Variants in CLDN10 observed in about 807,000 individuals in gnomAD.
CLDN10 encodes claudin-10.
Under a neutral mutation model 22.9 loss-of-function variants are expected in CLDN10, and 15 were observed. The observed-to-expected ratio is 0.65, with a 90% CI of 0.44 to 1.01. CLDN10 has a LOEUF of 1.01. Ranked by LOEUF, CLDN10 falls within the 50% of genes least tolerant of loss-of-function variation. The pLI, the probability that CLDN10 is intolerant of heterozygous loss-of-function variation, is 0.00. For missense variants in CLDN10, 247 were observed against 287.8 expected, an observed-to-expected ratio of 0.86 and a Z score of 1.03; for synonymous variants, 114 against 111.4, an observed-to-expected ratio of 1.02 and a Z score of -0.15.
chr13:95,525,640 C>T (rs2043272754), intron 1 of CLDN10, among the ~76,000 whole-genome samples: 1 of 151,952 alleles, frequency 6.6e-6, no homozygotes, highest in Admixed American at 6.6e-5. Flanking sequence ...TACAGGCGTG[C>T]ACCACCGCGC....
At chr13:95,526,242 G>A (rs1188402954) in intron 1 of CLDN10, among the ~76,000 whole-genome samples, 4 of 151,738 alleles carry the variant, frequency 2.6e-5, no homozygotes, top group African/African-American at 4.8e-5. Context: ...CCCATCTAAC[G>A]TTTTCTCCAT....
At chr13:95,435,102 T>C (rs960322964) in intron 1 of CLDN10, among the ~76,000 whole-genome samples, 1 of 151,142 alleles carries the variant, frequency 6.6e-6, no homozygotes, top group Non-Finnish European at 1.5e-5. Context: ...AGAGGGAACA[T>C]ATATTTTTTA....
intron 1 of CLDN10, among the ~76,000 whole-genome samples, chr13:95,442,742 G>T (rs1210485892): frequency 1.3e-5 from 2 of 152,082 alleles, no homozygotes; most frequent in African/African-American, 4.8e-5. Flanking sequence ...TTAATATATG[G>T]GTTTGAATCA....
chr13:95,515,309 A>G (rs2043152442), intron 1 of CLDN10, among the ~76,000 whole-genome samples: 1 of 151,996 alleles, frequency 6.6e-6, no homozygotes, highest in South Asian at 2.1e-4. Flanking sequence ...AGCGATTCTC[A>G]TGCCTCAGAC....
chr13:95,474,493 A>G (rs989412554), intron 1 of CLDN10, among the ~76,000 whole-genome samples: 4 of 152,190 alleles, frequency 2.6e-5, no homozygotes, highest in African/African-American at 4.8e-5. Flanking sequence ...CAATAAAACA[A>G]AGTCTCAAAT....
At chr13:95,447,585 T>C (rs1006576682) in intron 1 of CLDN10, among the ~76,000 whole-genome samples, 2 of 152,210 alleles carry the variant, frequency 1.3e-5, no homozygotes, top group African/African-American at 4.8e-5. Context: ...CTGGACGCTA[T>C]TGATCTGCCT....
chr13:95,520,263 T>C (rs1416000549), intron 1 of CLDN10, among the ~76,000 whole-genome samples: 1 of 152,260 alleles, frequency 6.6e-6, no homozygotes. Context: ...CTTTTTCATA[T>C]ACATATACAT....
chr13:95,477,542 C>A (rs2042696718), intron 1 of CLDN10, among the ~76,000 whole-genome samples: 1 of 152,164 alleles, frequency 6.6e-6, no homozygotes. Flanking sequence ...GTGTGTCCTG[C>A]AGATGCACGC....
chr13:95,450,410 G>C (rs1184816774), intron 1 of CLDN10, among the ~76,000 whole-genome samples: 2 of 152,178 alleles, frequency 1.3e-5, no homozygotes. Context: ...CAGGGATTAA[G>C]AGCCCTTCCC....
rs527690818 is a variant in CLDN10 at position 95,576,886 on chromosome 13, C to T, written c.465-345C>T. Among the ~76,000 whole-genome samples, 5 of 152,312 alleles carry T rather than the reference C, an allele frequency of 3.3e-5. No individual in the cohort carries two copies. In the East Asian group the frequency reaches 7.7e-4, roughly 24 times the overall value. ...CTACAGTCTGCCTAAATGATTTGCG[C>T]TGCAGAACAGAACAAATAGATGGAA... is the stretch of plus-strand genomic sequence containing the variant. On this transcript the variant is annotated intron_variant, in intron 3 of 4. Coordinates refer to ENST00000299339, the MANE Select transcript of CLDN10 (RefSeq NM_006984.5).
At chr13:95,511,104 C>T (rs1231350408) in intron 1 of CLDN10, among the ~76,000 whole-genome samples, 1 of 152,132 alleles carries the variant, frequency 6.6e-6, no homozygotes, top group Non-Finnish European at 1.5e-5. Context: ...TTTTTTAAAG[C>T]TCAAGAATTC....
intron 1 of CLDN10, among the ~76,000 whole-genome samples, chr13:95,497,454 G>A (rs1203988241): frequency 6.6e-6 from 1 of 152,098 alleles, no homozygotes; most frequent in Admixed American, 6.6e-5. Context: ...TGTGCCAACC[G>A]CCACAGCCCT....
chr13:95,518,149 C>T (rs996852528), intron 1 of CLDN10, among the ~76,000 whole-genome samples: 1 of 152,114 alleles, frequency 6.6e-6, no homozygotes, highest in Non-Finnish European at 1.5e-5. Flanking sequence ...AATTACATTA[C>T]CTGCCATAGG....
At chr13:95,478,378 A>T (rs1258648159) in intron 1 of CLDN10, among the ~76,000 whole-genome samples, 1 of 152,244 alleles carries the variant, frequency 6.6e-6, no homozygotes, top group Non-Finnish European at 1.5e-5. Context: ...CTGGAGATTC[A>T]GATTTAATTG....
At chr13:95,480,336 T>C (rs897797578) in intron 1 of CLDN10, among the ~76,000 whole-genome samples, 9 of 151,478 alleles carry the variant, frequency 5.9e-5, no homozygotes, top group Non-Finnish European at 1.3e-4. Context: ...AGACACTTCC[T>C]TCGGTAGAGC....
intron 1 of CLDN10, among the ~76,000 whole-genome samples, chr13:95,491,241 C>T (rs964672778): frequency 6.6e-6 from 1 of 151,962 alleles, no homozygotes. Context: ...GCATTTAGAC[C>T]ATTTATATTC....
intron 1 of CLDN10, among the ~76,000 whole-genome samples, chr13:95,507,627 ATT>A (rs1170776240): frequency 1.4e-5 from 2 of 139,254 alleles, no homozygotes; most frequent in African/African-American, 2.8e-5. Flanking sequence ...AAAAAAAAAA[ATT>A]TTTTTTTTTT....
chr13:95,491,621 T>C (rs530666409), intron 1 of CLDN10, among the ~76,000 whole-genome samples: 1 of 152,308 alleles, frequency 6.6e-6, no homozygotes, highest in South Asian at 2.1e-4. Context: ...CTCTGGTCCC[T>C]CCCTGATTAG....
intron 4 of CLDN10, 46 bp downstream of exon 4, chr13:95,577,384 T>A: frequency 8.6e-7 from 1 of 1,165,966 alleles, no homozygotes; most frequent in Non-Finnish European, 1.3e-6. Flanking sequence ...TAGAATGCTA[T>A]CATAAATCAT....
Sources: allele counts gnomAD v4.1 joint callset (sites outside exome capture counted in the v4.1 genomes callset), GRCh38; gene constraint gnomAD v4.1.1; transcripts MANE v1.5; gene names NCBI Gene and HGNC (gene_info 2026-07-23, HGNC 2026-07-21).